RGS6: variants seen among roughly 807,000 people sequenced by gnomAD.
The protein encoded by RGS6 is regulator of G-protein signaling 6.
RGS6 carries 30 observed loss-of-function variants against 78.5 expected under a neutral mutation model. The observed-to-expected ratio is 0.38, with a 90% CI of 0.29 to 0.52. The LOEUF (loss-of-function observed/expected upper bound fraction) is 0.52, where lower values mean the gene tolerates loss of function less well. Among genes scored for constraint, RGS6 ranks in the 20% least tolerant of loss-of-function variants. The pLI is 0.85. For synonymous variants in RGS6, 206 were observed against 206.0 expected (o/e 1.00, Z 0.00); for missense variants, 495 against 609.7 (o/e 0.81, Z 1.98).
intron 2 of RGS6, among the ~76,000 whole-genome samples, chr14:72,243,496 A>G (rs1003995984): frequency 1.3e-5 from 2 of 151,418 alleles, no homozygotes; most frequent in African/African-American, 4.9e-5. Context: ...TGACAATGCA[A>G]TTCATTTGGG....
chr14:72,609,406 ATC>A, the RGS6 span, among the ~76,000 whole-genome samples: 1 of 152,134 alleles, frequency 6.6e-6, no homozygotes, highest in Non-Finnish European at 1.5e-5. Flanking sequence ...GCTGCTTCCA[ATC>A]TGTAGGTTCT....
intron 17 of RGS6, chr14:72,550,367 C>A: frequency 9.3e-7 from 1 of 1,073,774 alleles, no homozygotes; most frequent in Non-Finnish European, 1.4e-6. Flanking sequence ...TACTTAGTGA[C>A]AGGGCTGGAG....
At position 72,556,099 on chromosome 14, in the gene RGS6, A is replaced by ACTT. The variant is rs925981497; in HGVS notation, c.1423-6317_1423-6315dup. On this transcript the variant is annotated intron_variant, in intron 17 of 17. Coordinates refer to ENST00000553525, the MANE Select transcript of RGS6 (RefSeq NM_001204424.2). ...CAACTCTTCTTTTGTAGATTCAAAAACTTTTTAAAATATTTTAAAGCACTG... is the reference window on the plus strand; with the variant it reads ...CAACTCTTCTTTTGTAGATTCAAAAACTTCTTTTTAAAATATTTTAAAGCACTG... Among the ~76,000 whole-genome samples, 16 of 149,788 alleles carry ACTT rather than the reference A, an allele frequency of 1.1e-4. No individual in the cohort carries two copies. In the East Asian group the frequency reaches 2.8e-3, roughly 26 times the overall value.
In RGS6 at chr14:72,214,426, G is replaced by A. The variant is rs370806183; in HGVS notation, c.85-137669G>A. On this transcript the variant is annotated intron_variant, in intron 2 of 17. Coordinates refer to ENST00000553525, the MANE Select transcript of RGS6 (RefSeq NM_001204424.2). ...ATCCTAGAATTCGTAACTTTCTAGC[G>A]TGTGTATGTATAAATTACAATCTGT... 2.6e-5 allele frequency among the ~76,000 whole-genome samples: 4 copies of A among 152,108 alleles called. No individual in the cohort carries two copies. In the East Asian group the frequency reaches 5.8e-4, roughly 22 times the overall value.
intron 2 of RGS6, among the ~76,000 whole-genome samples, chr14:72,319,101 C>T (rs2071131001): frequency 6.6e-6 from 1 of 152,004 alleles, no homozygotes; most frequent in African/African-American, 2.4e-5. Flanking sequence ...TTGTAATATG[C>T]CATACATGAC....
intron 13 of RGS6, among the ~76,000 whole-genome samples, chr14:72,497,521 T>G (rs899906854): frequency 2.0e-5 from 3 of 152,208 alleles, no homozygotes; most frequent in African/African-American, 7.2e-5. Flanking sequence ...ATATTAACTT[T>G]GTAAAAACCC....
intron 2 of RGS6, among the ~76,000 whole-genome samples, chr14:72,071,322 T>A (rs888113329): frequency 1.3e-5 from 2 of 152,182 alleles, no homozygotes. Flanking sequence ...TCTTTCCAAT[T>A]TTTGCTATTG....
chr14:72,261,737 TG>T (rs918527619), intron 2 of RGS6, among the ~76,000 whole-genome samples: 1 of 152,122 alleles, frequency 6.6e-6, no homozygotes, highest in Admixed American at 6.5e-5. Context: ...TAACCATTTT[TG>T]GGGGGGTTTG....
At chr14:72,572,386 AAC>A in the RGS6 span, among the ~76,000 whole-genome samples, 2 of 152,238 alleles carry the variant, frequency 1.3e-5, no homozygotes, top group Non-Finnish European at 2.9e-5. Flanking sequence ...AAAAAATGGA[AAC>A]AATTCAAATG....
intron 2 of RGS6, among the ~76,000 whole-genome samples, chr14:71,998,164 C>T (rs2010850): frequency 0.69 from 104,922 of 151,770 alleles, 36,701 homozygotes; most frequent in East Asian, 0.78. Context: ...AGACTCAAAG[C>T]GGAGAGGGAG....
chr14:72,461,478 C>T (rs2095780473), intron 6 of RGS6, among the ~76,000 whole-genome samples: 1 of 152,106 alleles, frequency 6.6e-6, no homozygotes, highest in Non-Finnish European at 1.5e-5. Flanking sequence ...TTTTAAATTC[C>T]TGTGCCTCAA....
chr14:72,371,808 T>C (rs2083569911), intron 3 of RGS6, among the ~76,000 whole-genome samples: 1 of 152,112 alleles, frequency 6.6e-6, no homozygotes, highest in Non-Finnish European at 1.5e-5. Context: ...TAAGATAAAA[T>C]TTGAGAAGAG....
At chr14:72,613,443 G>A in the RGS6 span, among the ~76,000 whole-genome samples, 7 of 152,174 alleles carry the variant, frequency 4.6e-5, no homozygotes, top group East Asian at 1.9e-4. Context: ...GGGAAATGTC[G>A]CCATCAGCAA....
chr14:72,340,946 C>T (rs1209091430), intron 2 of RGS6, among the ~76,000 whole-genome samples: 1 of 152,034 alleles, frequency 6.6e-6, no homozygotes, highest in Non-Finnish European at 1.5e-5. Flanking sequence ...TGAAATTGGT[C>T]CTAAGTAGAG....
intron 3 of RGS6, among the ~76,000 whole-genome samples, chr14:72,365,630 C>T (rs567227634): frequency 6.6e-6 from 1 of 152,346 alleles, no homozygotes; most frequent in East Asian, 1.9e-4. Flanking sequence ...CTGTTTCGAT[C>T]TTATGTGCTG....
At chr14:72,528,413 C>T (rs1013314012) in intron 15 of RGS6, among the ~76,000 whole-genome samples, 5 of 152,166 alleles carry the variant, frequency 3.3e-5, no homozygotes, top group African/African-American at 1.2e-4. Context: ...CCATCAACCA[C>T]TCCAGGGATA....
At chr14:72,541,086 C>G (rs1198879998) in intron 17 of RGS6, 1 of 1,356,078 alleles carries the variant, frequency 7.4e-7, no homozygotes. Context: ...GTACCATGAA[C>G]ATCAAACCAG....
At chr14:72,323,734 G>A (rs1252587832) in intron 2 of RGS6, among the ~76,000 whole-genome samples, 3 of 140,158 alleles carry the variant, frequency 2.1e-5, no homozygotes, top group Non-Finnish European at 1.5e-5. Context: ...CCTGGGAGGC[G>A]GAGGTTGCAG....
intron 2 of RGS6, among the ~76,000 whole-genome samples, chr14:72,103,426 C>T (rs1416639011): frequency 6.6e-6 from 1 of 152,168 alleles, no homozygotes; most frequent in East Asian, 1.9e-4. Context: ...CAATTTTAGC[C>T]AACTTCTTGA....
Sources: gnomAD v4.1 joint callset for allele counts (sites outside exome capture counted in the v4.1 genomes callset) on GRCh38, gnomAD v4.1.1 for gene constraint, MANE v1.5 for transcripts, NCBI Gene and HGNC (gene_info 2026-07-23, HGNC 2026-07-21) for gene names.